SHC4: variants seen among roughly 807,000 people sequenced by gnomAD.
The protein encoded by SHC4 is SHC-transforming protein 4.
In SHC4, 41 loss-of-function variants were observed where a neutral mutation model predicts 69.4. The ratio of observed to expected loss-of-function variants is 0.59; its 90% CI spans 0.46 to 0.77. The LOEUF is 0.77. Ranked by LOEUF, SHC4 falls within the 30% of genes least tolerant of loss-of-function variation. The pLI is 0.00. For synonymous variants in SHC4, 318 were observed against 299.3 expected, an observed-to-expected ratio of 1.06 and a Z score of -0.64; for missense variants, 777 against 783.8, an observed-to-expected ratio of 0.99 and a Z score of 0.10.
intron 8 of SHC4, among the ~76,000 whole-genome samples, 165 bp downstream of exon 8, chr15:48,855,787 TA>T (rs1370004306): frequency 6.6e-6 from 1 of 151,710 alleles, no homozygotes; most frequent in African/African-American, 2.4e-5. Flanking sequence ...GGATTAGGAG[TA>T]AAAATGATCT....
intron 4 of SHC4, among the ~76,000 whole-genome samples, chr15:48,874,524 T>C (rs759012414): frequency 1.7e-4 from 26 of 152,210 alleles, no homozygotes; most frequent in Non-Finnish European, 2.5e-4. Flanking sequence ...GTGGCGACAT[T>C]AGATTCTCAT....
At chr15:48,939,186 G>A (rs1901129368) in intron 1 of SHC4, among the ~76,000 whole-genome samples, 1 of 152,168 alleles carries the variant, frequency 6.6e-6, no homozygotes, top group South Asian at 2.1e-4. Flanking sequence ...CTCAATTACT[G>A]TGCAGGGACC....
At chr15:48,895,842 G>A (rs1900211927) in intron 2 of SHC4, among the ~76,000 whole-genome samples, 1 of 152,222 alleles carries the variant, frequency 6.6e-6, no homozygotes, top group African/African-American at 2.4e-5. Flanking sequence ...CACCACTTAG[G>A]GAGGCCGAGG....
chr15:48,828,707 G>A (rs190790525), intron 11 of SHC4, among the ~76,000 whole-genome samples: 56 of 152,200 alleles, frequency 3.7e-4, no homozygotes, highest in South Asian at 3.1e-3. Flanking sequence ...ATCTTAACAA[G>A]TGTGAGGTAT....
In SHC4 at chr15:48,825,873, G is replaced by A. The variant is rs1478990586; in HGVS notation, c.*98C>T. ...CTTGGAAAGATGCACTTCACAGTTT[G>A]TGCTCTATTTTATCTACAAACAAAG... On this transcript the variant is annotated 3_prime_UTR_variant, in exon 12 of 12. Coordinates refer to ENST00000332408, the MANE Select transcript of SHC4 (RefSeq NM_203349.4). The A allele has an allele frequency of 3.7e-5, 52 of 1,416,448 alleles. No individual in the cohort carries two copies. The highest frequency in any genetic ancestry group is 5.0e-5 in the Non-Finnish European group (52 of 1,045,746). 87.7% of individuals were successfully genotyped at this position (1,416,448 alleles called of 1,614,324 possible).
intron 6 of SHC4, among the ~76,000 whole-genome samples, chr15:48,865,363 G>A (rs1899540262): frequency 6.6e-6 from 1 of 152,146 alleles, no homozygotes; most frequent in Non-Finnish European, 1.5e-5. Flanking sequence ...GAGAAAGAAC[G>A]AGGAGATCAG....
chr15:48,886,335 G>C (rs1279516766), intron 3 of SHC4, among the ~76,000 whole-genome samples: 1 of 152,090 alleles, frequency 6.6e-6, no homozygotes, highest in Admixed American at 6.5e-5. Context: ...TTTGTTATCT[G>C]TAAAGAACTT....
chr15:48,949,279 G>A (rs1330608424), intron 1 of SHC4, among the ~76,000 whole-genome samples: 1 of 151,622 alleles, frequency 6.6e-6, no homozygotes, highest in African/African-American at 2.4e-5. Flanking sequence ...GCTGAGGCAG[G>A]AGACTGGCAT....
intron 1 of SHC4, among the ~76,000 whole-genome samples, chr15:48,934,692 A>C (rs1363051561): frequency 6.6e-6 from 1 of 152,230 alleles, no homozygotes; most frequent in Non-Finnish European, 1.5e-5. Context: ...GGTAGAAATA[A>C]CCCAAATATC....
chr15:48,858,883 C>T (rs1397003567), intron 6 of SHC4, among the ~76,000 whole-genome samples: 2 of 152,094 alleles, frequency 1.3e-5, no homozygotes, highest in Non-Finnish European at 2.9e-5. Flanking sequence ...CAGCTATTTT[C>T]TGAGAAAAGG....
intron 9 of SHC4, among the ~76,000 whole-genome samples, chr15:48,848,862 T>TG (rs1300843014): frequency 6.6e-6 from 1 of 152,138 alleles, no homozygotes; most frequent in Non-Finnish European, 1.5e-5. Context: ...TGAGAACTCT[T>TG]GGGGGAAAAA....
chr15:48,910,256 C>T (rs535220254), intron 2 of SHC4, among the ~76,000 whole-genome samples: 21 of 151,922 alleles, frequency 1.4e-4, no homozygotes, highest in East Asian at 5.8e-4. Flanking sequence ...TTGGTCTGTT[C>T]GGGGTATCTA....
intron 11 of SHC4, among the ~76,000 whole-genome samples, chr15:48,832,073 C>T (rs1044489785): frequency 7.9e-5 from 12 of 152,172 alleles, no homozygotes; most frequent in South Asian, 2.1e-4. Context: ...GAGTTCAAGA[C>T]CAGCCTGGCC....
At chr15:48,898,448 A>T (rs1179908233) in intron 2 of SHC4, among the ~76,000 whole-genome samples, 1 of 152,186 alleles carries the variant, frequency 6.6e-6, no homozygotes, top group Non-Finnish European at 1.5e-5. Flanking sequence ...GGTCAAATAA[A>T]ACCTTTGAGT....
At chr15:48,830,587 A>T (rs548120351) in intron 11 of SHC4, among the ~76,000 whole-genome samples, 1 of 152,210 alleles carries the variant, frequency 6.6e-6, no homozygotes, top group Non-Finnish European at 1.5e-5. Context: ...AAAGGAAAGG[A>T]AAGTGCAGGC....
chr15:48,917,254 T>C (rs953230044), intron 2 of SHC4, among the ~76,000 whole-genome samples: 4 of 121,196 alleles, frequency 3.3e-5, no homozygotes, highest in Non-Finnish European at 6.5e-5. Context: ...TGTGTGTGTG[T>C]GTGTGTGTGT....
intron 1 of SHC4, among the ~76,000 whole-genome samples, chr15:48,944,088 C>T (rs1348032221): frequency 6.6e-6 from 1 of 152,072 alleles, no homozygotes; most frequent in Non-Finnish European, 1.5e-5. Context: ...AGAAAAAGGT[C>T]TATTTAGTTT....
intron 1 of SHC4, among the ~76,000 whole-genome samples, chr15:48,961,212 C>T (rs1901540340): frequency 1.3e-5 from 2 of 152,148 alleles, no homozygotes; most frequent in Non-Finnish European, 2.9e-5. Flanking sequence ...ATAAATCAAC[C>T]AACTGGTCTT....
Position 48,963,679 on chromosome 15 carries a change from G to T in SHC4, c.-664C>A, listed in dbSNP as rs1157010896. Among the ~76,000 whole-genome samples the T allele has an allele frequency of 2.0e-5, 3 of 152,162 alleles. No individual in the cohort carries two copies. The highest frequency in any genetic ancestry group is 7.2e-5 in the African/African-American group (3 of 41,422). The stretch of plus-strand genomic sequence containing the variant: ...CCAGCCAGGAGTACTACTGACGGGC[G>T]CTGCTCCGCATTGTTTCACTGACTT... On this transcript the variant is annotated 5_prime_UTR_variant, in exon 1 of 12. Coordinates refer to ENST00000332408, the MANE Select transcript of SHC4 (RefSeq NM_203349.4).
Sources: allele counts gnomAD v4.1 joint callset (sites outside exome capture counted in the v4.1 genomes callset), GRCh38; gene constraint gnomAD v4.1.1; transcripts MANE v1.5; gene names NCBI Gene and HGNC (gene_info 2026-07-23, HGNC 2026-07-21).